Variants in GIGYF1 observed in about 807,000 individuals in gnomAD.
GIGYF1 encodes the protein GRB10 interacting GYF protein 1.
GIGYF1 carries 84 observed loss-of-function variants against 147.1 expected under a neutral mutation model. The observed-to-expected ratio is 0.57, with a 90% confidence interval of 0.48 to 0.68. GIGYF1 has a LOEUF of 0.68. Among genes scored for constraint, GIGYF1 ranks in the 30% least tolerant of loss-of-function variants. The pLI is 0.00. For synonymous variants in GIGYF1, 752 were observed against 589.5 expected (o/e 1.28, Z -3.99); for missense variants, 1,485 against 1,393.7 (o/e 1.07, Z -1.04).
In GIGYF1 at chr7:100,681,504, TAA is replaced by T. The variant is rs10713381; in HGVS notation, c.*213_*214del. The T allele has an allele frequency of 4.0e-3, 1,358 of 341,498 alleles. 1 individual carries two copies. Among genetic ancestry groups the T allele is most frequent in the East Asian group, 8.9e-3 (202 of 22,600 alleles). The allele number at this position is 341,498 out of a possible 1,614,324, so 21.2% of individuals were successfully genotyped here. ...AATGTTTTCTTCAGTCGTTTAAAAT[TAA>T]AAAAAAAAATAAAAAGAAAAACCCC... On this transcript the variant is annotated 3_prime_UTR_variant, in exon 27 of 27. Transcript: ENST00000678049.
chr7:100,687,666 TCCACCC>T, intron 6 of GIGYF1, 50 bp from the exon 7 acceptor site: 1 of 1,337,998 alleles, frequency 7.5e-7, no homozygotes, highest in Non-Finnish European at 1.0e-6. Context: ...CCCAACCACC[TCCACCC>T]CCACCCCACA....
chr7:100,681,900 G>C lies in GIGYF1; in HGVS notation c.3019C>G (p.Arg1007Gly). Reference protein sequence around the residue: ...GPGEGSKAKRRALMLHSDPSI... With the variant: ...GPGEGSKAKRGALMLHSDPSI... ...GGGTCTGAGTGCAGCATCAGTGCCC[G>C]CCTCTTGGCCTTGCTGCCCTCCCCG... is the stretch of plus-strand genomic sequence containing the variant. Residue 1007 changes from arginine (R) to glycine (G), a missense_variant, in exon 26 of 27, where the codon CGG (arginine) becomes GGG (glycine). By Grantham distance (125) the Arg-to-Gly change is moderately radical. Transcript: ENST00000678049. 1 of 1,611,630 alleles carries C rather than the reference G, an allele frequency of 6.2e-7. No individual in the cohort carries two copies. Among genetic ancestry groups the C allele is most frequent in the South Asian group, 1.1e-5 (1 of 91,076 alleles).
chr7:100,693,495 ACAGAGGTGAGGAGGACC>A (rs1408601191), intron 1 of GIGYF1, among the ~76,000 whole-genome samples: 2 of 152,072 alleles, frequency 1.3e-5, no homozygotes, highest in Non-Finnish European at 2.9e-5. Context: ...GCGAAAGGAA[ACAGAGGTGAGGAGGACC>A]CAGGCGAGGT....
Position 100,688,045 on chromosome 7 carries a change from T to C in GIGYF1, c.101A>G (p.Tyr34Cys), listed in dbSNP as rs1352378653. ...CCCATAACGGTAGTCAGCCAGCTTG[T>C]ATTTGGGCATGGCAGGGGACGGGGG... is the stretch of plus-strand genomic sequence containing the variant. ...SPPPSPAMPK[Y>C]KLADYRYGRE... Residue 34 changes from tyrosine (Y) to cysteine (C), a missense_variant, in exon 5 of 27, where the codon TAC becomes TGC. Tyr to Cys is a radical substitution (Grantham distance 194, BLOSUM62 -2). Coordinates refer to ENST00000678049, the MANE Select transcript of GIGYF1 (RefSeq NM_001375765.1). 6.2e-7 allele frequency: 1 copy of C among 1,613,404 alleles called. No homozygotes were observed. The highest frequency in any genetic ancestry group is 8.5e-7 in the Non-Finnish European group (1 of 1,179,696).
rs368356220 is a variant in GIGYF1 at position 100,681,357 on chromosome 7, TAAAAAA to T, written c.*356_*361del. 2 of 138,256 alleles carry T rather than the reference TAAAAAA, an allele frequency of 1.4e-5. No individual in the cohort carries two copies. The highest frequency in any genetic ancestry group is 3.0e-5 in the Non-Finnish European group (2 of 66,288). 8.6% of individuals were successfully genotyped at this position (138,256 alleles called of 1,614,324 possible). On this transcript the variant is annotated 3_prime_UTR_variant, in exon 27 of 27. Coordinates refer to ENST00000678049, the MANE Select transcript of GIGYF1 (RefSeq NM_001375765.1). ...TTTTTCATTTTTCATCTTTTTTTCT[TAAAAAA>T]AAAAAAAAAACCAAAAAACAAAAAC... is the stretch of plus-strand genomic sequence containing the variant.
At position 100,688,745 on chromosome 7, in the gene GIGYF1, A is replaced by C. The variant is rs1182294066; in HGVS notation, c.-288T>G. On this transcript the variant is annotated 5_prime_UTR_variant, in exon 2 of 27. Coordinates refer to ENST00000678049, the MANE Select transcript of GIGYF1 (RefSeq NM_001375765.1). ...TTAAGGAGAGCAGGGGGGAGGAGGG[A>C]GGGTTCAGGACATGGCTCTGCCGGC... 8 of 324,980 alleles carry C rather than the reference A, an allele frequency of 2.5e-5. No homozygotes were observed. The highest frequency in any genetic ancestry group is 5.0e-5 in the Non-Finnish European group (8 of 161,500). 20.1% of individuals were successfully genotyped at this position (324,980 alleles called of 1,614,324 possible). A position where few individuals can be genotyped will look rare whatever the true frequency, so the allele number is the denominator to read the frequency against.
At chr7:100,685,589 C>T (rs906143829) in intron 12 of GIGYF1, 108 bp from the exon 13 acceptor site, 26 of 1,239,938 alleles carry the variant, frequency 2.1e-5, no homozygotes, top group South Asian at 4.1e-5. Context: ...TCCCTTAGGC[C>T]GAGTCCACCA....
intron 18 of GIGYF1, 40 bp downstream of exon 18, chr7:100,683,980 C>A (rs774413212): frequency 2.5e-6 from 4 of 1,582,440 alleles, no homozygotes; most frequent in South Asian, 1.1e-5. Flanking sequence ...CCCCATCCCC[C>A]CCCCACCCTG....
In GIGYF1 at chr7:100,686,890, G is replaced by GCCCTGGGCCCT. The variant is rs1805403640; in HGVS notation, c.524-72_524-71insAGGGCCCAGGG. ...TGCCTGGACCCTCAAGAAACGTTGG[G>GCCCTGGGCCCT]GGGGCCAGCTCCAGGCCCTCCTGCC... On this transcript the variant is annotated intron_variant, in intron 9 of 26. Coordinates refer to ENST00000678049, the MANE Select transcript of GIGYF1 (RefSeq NM_001375765.1). 1.9e-6 allele frequency: 3 copies of GCCCTGGGCCCT among 1,601,764 alleles called. No individual in the cohort carries two copies. The Admixed American group carries it at 5.0e-5, about 27-fold the overall frequency.
At position 100,681,788 on chromosome 7, in the gene GIGYF1, G is replaced by A. The variant is rs755427720; in HGVS notation, c.3056-17C>T. On this transcript the variant is annotated splice_polypyrimidine_tract_variant and intron_variant, in intron 26 of 26. Transcript: ENST00000678049. ...GGGAGTACCCTGAAGCCGGGGAGAA[G>A]CTGCGTCTGAGCTCTCTCCTGGGCT... The A allele has an allele frequency of 6.3e-7, 1 of 1,590,658 alleles. No homozygotes were observed. The highest frequency in any genetic ancestry group is 1.3e-5 in the African/African-American group (1 of 74,526).
Position 100,682,853 on chromosome 7 carries a change from G to C in GIGYF1, c.2413-76C>G. On this transcript the variant is annotated intron_variant, in intron 22 of 26. Transcript: ENST00000678049. ...GCGGATGGGGAGGCTTGTTTAGGTG[G>C]CAAAGGGAGACAGGTGAGGTGAGGG... is the stretch of plus-strand genomic sequence containing the variant. The C allele has an allele frequency of 3.5e-6, 5 of 1,423,148 alleles. No homozygotes were observed. The East Asian group carries it at 1.2e-4, about 33-fold the overall frequency. The allele number at this position is 1,423,148 out of a possible 1,614,324, so 88.2% of individuals were successfully genotyped here. A position where few individuals can be genotyped will look rare whatever the true frequency, so the allele number is the denominator to read the frequency against.
rs1562869230 is a variant in GIGYF1, at chr7:100,682,410, C to A, written c.2673G>T (p.Leu891=). 2 of 1,613,706 alleles carry A rather than the reference C, an allele frequency of 1.2e-6. No individual in the cohort carries two copies. Among genetic ancestry groups the A allele is most frequent in the Non-Finnish European group, 1.7e-6 (2 of 1,179,984 alleles). The change falls in exon 24 of 27, where the codon CTG becomes CTT. Residue 891 remains leucine (L), a synonymous_variant. Coordinates refer to ENST00000678049, the MANE Select transcript of GIGYF1 (RefSeq NM_001375765.1). The part of the protein sequence containing the change: ...KTEEEEKLLK[L]LQGIPRPQDG... The stretch of plus-strand genomic sequence containing the variant: ...CCTGGGGCCTGGGAATGCCCTGCAG[C>A]AGCTTCAGCAGCTTCTCTTCTTCCT...
chr7:100,679,660 G>A lies in GIGYF1; in HGVS notation c.*2059C>T, dbSNP rs1422980840. The A allele has an allele frequency of 1.3e-5, 2 of 152,810 alleles. No homozygotes were observed. Among genetic ancestry groups the A allele is most frequent in the South Asian group, 2.1e-4 (1 of 4,846 alleles). 9.5% of individuals were successfully genotyped at this position (152,810 alleles called of 1,614,324 possible). A position where few individuals can be genotyped will look rare whatever the true frequency, so the allele number is the denominator to read the frequency against. ...GACCCCTGCACCCACCCCAACCCCAGGAAGGGCAGGGGAGCAGCGAGGGCC... is the reference window on the plus strand; with the variant it reads ...GACCCCTGCACCCACCCCAACCCCAAGAAGGGCAGGGGAGCAGCGAGGGCC... On this transcript the variant is annotated 3_prime_UTR_variant, in exon 27 of 27. Coordinates refer to ENST00000678049, the MANE Select transcript of GIGYF1 (RefSeq NM_001375765.1).
chr7:100,683,282 G>C, intron 21 of GIGYF1, 22 bp downstream of exon 21: 1 of 1,613,636 alleles, frequency 6.2e-7, no homozygotes, highest in South Asian at 1.1e-5. Flanking sequence ...CACCCAGCCA[G>C]CTGAGGCTTG....
chr7:100,683,215 G>A lies in GIGYF1; in HGVS notation c.2209C>T (p.Leu737=). Residue 737 remains leucine (L), a synonymous_variant, in exon 22 of 27, where the codon CTA becomes TTA. Coordinates refer to ENST00000678049, the MANE Select transcript of GIGYF1 (RefSeq NM_001375765.1). ...TGCTGCTGTAGCAACTTCAGCAATA[G>A]CTCCTGCTGCCGCACCTAAGAGGGG... ...FRRKHVRQQE[L]LLKLLQQQQA... 2 of 1,611,044 alleles carry A rather than the reference G, an allele frequency of 1.2e-6. No individual in the cohort carries two copies. The highest frequency in any genetic ancestry group is 1.7e-6 in the Non-Finnish European group (2 of 1,179,910).
chr7:100,683,868 G>A lies in GIGYF1; in HGVS notation c.1919C>T (p.Pro640Leu). Residue 640 changes from proline to leucine, a missense_variant, in exon 19 of 27, where the codon CCA (proline) becomes CTA (leucine). By Grantham distance (98) the Pro-to-Leu change is moderately conservative. Transcript: ENST00000678049. ...TACGTCCCAGAGGCGGCCCGAATCT[G>A]GCACCGACAAGGACCGGCTCATCGT... ...LPTMSRSLSV[P>L]DSGRLWDVHT... The A allele has an allele frequency of 6.4e-7, 1 of 1,562,250 alleles. No homozygotes were observed. Among genetic ancestry groups the A allele is most frequent in the Non-Finnish European group, 8.7e-7 (1 of 1,152,778 alleles).
chr7:100,683,051 A>T lies in GIGYF1; in HGVS notation c.2373T>A (p.Pro791=). 6.4e-7 allele frequency: 1 copy of T among 1,569,716 alleles called. No homozygotes were observed. Among genetic ancestry groups the T allele is most frequent in the Non-Finnish European group, 8.6e-7 (1 of 1,163,790 alleles). Residue 791 remains proline (P), a synonymous_variant, in exon 22 of 27, where the codon CCT becomes CCA. Transcript: ENST00000678049. ...GERQLHKQPP[P]REPARAQAPN... ...GGGCCTGGGCCCGAGCTGGCTCCCG[A>T]GGTGGGGGCTGTTTGTGCAGCTGCC...
At position 100,684,076 on chromosome 7, in the gene GIGYF1, CTGCTGT is replaced by C; in HGVS notation, c.1806_1811del (p.Gln607_Gln608del). The stretch of plus-strand genomic sequence containing the variant: ...GGAATGCCGTGAGCTGCTGCTGCTG[CTGCTGT>C]GGCGGCGGCGGTGGTGGCGGTGTCA... On this transcript the variant is annotated inframe_deletion, in exon 18 of 27. Transcript: ENST00000678049. 6.2e-7 allele frequency: 1 copy of C among 1,607,334 alleles called. No individual in the cohort carries two copies. Among genetic ancestry groups the C allele is most frequent in the Non-Finnish European group, 8.5e-7 (1 of 1,179,658 alleles).
At position 100,681,977 on chromosome 7, in the gene GIGYF1, C is replaced by T. The variant is rs1002475973; in HGVS notation, c.2942G>A (p.Ser981Asn). Residue 981 changes from serine (S) to asparagine (N), a missense_variant, in exon 26 of 27, where the codon AGC (serine) becomes AAC (asparagine). Ser to Asn is a conservative substitution (Grantham distance 46, BLOSUM62 1). Coordinates refer to ENST00000678049, the MANE Select transcript of GIGYF1 (RefSeq NM_001375765.1). The stretch of plus-strand genomic sequence containing the variant: ...CTGGAAGGCCGTCTGCAGCGAGGCG[C>T]TGCTCAGCCATGCCTCCTAAGGCAG... ...RQQQQEAWLSSASLQTAFQAN... is the reference protein window; with the variant it reads ...RQQQQEAWLSNASLQTAFQAN... 6.2e-7 allele frequency: 1 copy of T among 1,609,060 alleles called. No individual in the cohort carries two copies. The highest frequency in any genetic ancestry group is 1.7e-5 in the Admixed American group (1 of 60,014).
Sources: allele counts gnomAD v4.1 joint callset (sites outside exome capture counted in the v4.1 genomes callset), GRCh38; gene constraint gnomAD v4.1.1; transcripts MANE v1.5; gene names NCBI Gene and HGNC (gene_info 2026-07-23, HGNC 2026-07-21).